The following RIMS2 variants were observed in gnomAD, a reference collection of about 807,000 sequenced individuals.
RIMS2 encodes regulating synaptic membrane exocytosis protein 2.
RIMS2 carries 59 observed loss-of-function variants against 174.4 expected under a neutral mutation model. That is an observed-to-expected ratio of 0.34 (90% CI 0.27 to 0.42). The LOEUF is 0.42. Ranked by LOEUF, RIMS2 falls within the 10% of genes least tolerant of loss-of-function variation. The pLI is 1.00. For synonymous variants in RIMS2, 606 were observed against 572.5 expected (o/e 1.06, Z -0.84); for missense variants, 1,620 against 1,666.3 (o/e 0.97, Z 0.48).
intron 19 of RIMS2, among the ~76,000 whole-genome samples, chr8:104,033,804 T>C (rs2096453254): frequency 6.6e-6 from 1 of 152,128 alleles, no homozygotes; most frequent in Non-Finnish European, 1.5e-5. Flanking sequence ...ATTTAAAGAA[T>C]ATTTTTAATT....
chr8:103,759,438 G>A (rs907798661), intron 2 of RIMS2, among the ~76,000 whole-genome samples: 3 of 151,866 alleles, frequency 2.0e-5, no homozygotes, highest in Admixed American at 6.6e-5. Flanking sequence ...GGCGGTGGGC[G>A]CCTGTAGTCC....
At chr8:104,060,021 C>T (rs2154560188) in intron 19 of RIMS2, among the ~76,000 whole-genome samples, 1 of 151,970 alleles carries the variant, frequency 6.6e-6, no homozygotes, top group South Asian at 2.1e-4. Context: ...GGATATTGGT[C>T]TAAAATTCTC....
chr8:103,647,704 G>C (rs574431762), intron 1 of RIMS2, among the ~76,000 whole-genome samples: 10 of 151,862 alleles, frequency 6.6e-5, no homozygotes, highest in African/African-American at 2.4e-4. Flanking sequence ...TCTAGTTTAT[G>C]TGCATAGAGG....
At chr8:103,798,229 T>C (rs1189789682) in intron 3 of RIMS2, among the ~76,000 whole-genome samples, 2 of 152,108 alleles carry the variant, frequency 1.3e-5, no homozygotes, top group Non-Finnish European at 2.9e-5. Context: ...ATATTTGAAA[T>C]GGGCAAATAT....
chr8:103,523,284 A>G (rs1414001789), intron 1 of RIMS2, among the ~76,000 whole-genome samples: 1 of 152,054 alleles, frequency 6.6e-6, no homozygotes, highest in African/African-American at 2.4e-5. Context: ...TTGATTTTGC[A>G]TTGGGCATCA....
chr8:104,237,247 A>G (rs139418364), intron 19 of RIMS2, among the ~76,000 whole-genome samples: 101 of 152,316 alleles, frequency 6.6e-4, no homozygotes, highest in African/African-American at 2.2e-3. Flanking sequence ...TTAAAACTTT[A>G]TTTACAAGAA....
intron 19 of RIMS2, among the ~76,000 whole-genome samples, chr8:104,032,244 G>C (rs1038422808): frequency 7.2e-5 from 11 of 152,002 alleles, no homozygotes; most frequent in Non-Finnish European, 1.2e-4. Flanking sequence ...AATCTCTGGA[G>C]ATAAAAAATA....
chr8:103,607,472 T>C (rs2134019120), intron 1 of RIMS2, among the ~76,000 whole-genome samples: 1 of 151,822 alleles, frequency 6.6e-6, no homozygotes, highest in East Asian at 1.9e-4. Flanking sequence ...ATCTGACAAT[T>C]GTGTTCTTGG....
chr8:103,843,709 CTTA>C (rs1045765031), intron 3 of RIMS2, among the ~76,000 whole-genome samples: 3 of 152,088 alleles, frequency 2.0e-5, no homozygotes, highest in Non-Finnish European at 4.4e-5. Context: ...TGAAGACTAC[CTTA>C]TTATTTCTCT....
intron 1 of RIMS2, 93 bp downstream of exon 1, chr8:103,501,155 C>A: frequency 1.2e-5 from 12 of 1,013,416 alleles, no homozygotes; most frequent in Non-Finnish European, 1.6e-5. Flanking sequence ...AGTTCGCCGC[C>A]CTCCCTCCCG....
At chr8:104,067,739 A>G (rs1598144882) in intron 19 of RIMS2, among the ~76,000 whole-genome samples, 1 of 152,276 alleles carries the variant, frequency 6.6e-6, no homozygotes, top group East Asian at 1.9e-4. Context: ...AGGATTTGCT[A>G]ACTGAATTTA....
At chr8:103,629,415 A>G (rs1392607810) in intron 1 of RIMS2, among the ~76,000 whole-genome samples, 2 of 152,252 alleles carry the variant, frequency 1.3e-5, no homozygotes, top group African/African-American at 4.8e-5. Context: ...TGACTTCGGG[A>G]TAACACATAA....
At chr8:103,953,929 CA>C (rs761846542) in intron 14 of RIMS2, among the ~76,000 whole-genome samples, 5 of 147,750 alleles carry the variant, frequency 3.4e-5, no homozygotes, top group Admixed American at 6.7e-5. Flanking sequence ...AGATGGAAAG[CA>C]AAAAAAAAGC....
chr8:104,059,654 C>CA (rs1465029171), intron 19 of RIMS2, among the ~76,000 whole-genome samples: 1 of 146,484 alleles, frequency 6.8e-6, no homozygotes, highest in Non-Finnish European at 1.5e-5. Context: ...TGCCAGTTTT[C>CA]AAAGGGAATG....
At chr8:104,119,046 C>T (rs1446713280) in intron 19 of RIMS2, among the ~76,000 whole-genome samples, 1 of 152,080 alleles carries the variant, frequency 6.6e-6, no homozygotes, top group South Asian at 2.1e-4. Context: ...TGTGTCCGGG[C>T]ACGGACACGT....
At chr8:103,512,196 T>C (rs1826817014) in intron 1 of RIMS2, among the ~76,000 whole-genome samples, 1 of 152,162 alleles carries the variant, frequency 6.6e-6, no homozygotes, top group African/African-American at 2.4e-5. Context: ...CCCAGAACCT[T>C]GAAGTCCTTT....
chr8:104,137,867 A>G (rs2098533975), intron 19 of RIMS2, among the ~76,000 whole-genome samples: 1 of 152,166 alleles, frequency 6.6e-6, no homozygotes, highest in African/African-American at 2.4e-5. Context: ...GCTTTCAAAT[A>G]CTAGATATTG....
chr8:103,954,509 A>G (rs1158066111), intron 14 of RIMS2, among the ~76,000 whole-genome samples: 1 of 152,236 alleles, frequency 6.6e-6, no homozygotes, highest in Non-Finnish European at 1.5e-5. Flanking sequence ...ACTACTGGGT[A>G]AATAACGAAA....
In RIMS2 at chr8:103,552,144, GA is replaced by G. The variant is rs531088620; in HGVS notation, c.176+51084del. Among the ~76,000 whole-genome samples the G allele has an allele frequency of 3.6e-3, 544 of 152,098 alleles. 3 individuals carry two copies. The highest frequency in any genetic ancestry group is 0.012 in the African/African-American group (518 of 41,490). On this transcript the variant is annotated intron_variant, in intron 1 of 23. Transcript: ENST00000504942. Reference sequence around the variant, plus strand: ...ACCAAAAAAGATTCCATATTGGCAAGAATATCCTAAGCCAAAAAAACAAAGC... The same window carrying G: ...ACCAAAAAAGATTCCATATTGGCAAGATATCCTAAGCCAAAAAAACAAAGC...
Sources: allele counts gnomAD v4.1 joint callset (sites outside exome capture counted in the v4.1 genomes callset), GRCh38; gene constraint gnomAD v4.1.1; transcripts MANE v1.5; gene names NCBI Gene and HGNC (gene_info 2026-07-23, HGNC 2026-07-21).